Variants in PIP5K1C observed in about 807,000 individuals in gnomAD.
PIP5K1C encodes phosphatidylinositol 4-phosphate 5-kinase type-1 gamma.
PIP5K1C carries 45 observed loss-of-function variants against 80.1 expected under a neutral mutation model. The observed-to-expected ratio is 0.56, with a 90% CI of 0.44 to 0.72. The LOEUF is 0.72. Ranked by LOEUF, PIP5K1C falls within the 30% of genes least tolerant of loss-of-function variation. PIP5K1C has a pLI of 0.00. For synonymous variants in PIP5K1C, 498 were observed against 420.1 expected (o/e 1.19, Z -2.27); for missense variants, 753 against 954.6 (o/e 0.79, Z 2.78).
intron 4 of PIP5K1C, 146 bp from the exon 5 acceptor site, chr19:3,661,229 C>T: frequency 1.7e-6 from 1 of 604,450 alleles, no homozygotes; most frequent in Non-Finnish European, 3.0e-6. Flanking sequence ...ATCCCACAAG[C>T]AACAGGGGGC....
intron 1 of PIP5K1C, among the ~76,000 whole-genome samples, chr19:3,677,717 T>TGGGAGGGAGGGATGG (rs2035405106): frequency 9.7e-6 from 1 of 102,762 alleles, no homozygotes; most frequent in Admixed American, 9.6e-5. Context: ...GGAGGGATGG[T>TGGGAGGGAGGGATGG]GGGATGGAGG....
intron 5 of PIP5K1C, 25 bp from the exon 6 acceptor site, chr19:3,656,582 C>T (rs758732762): frequency 2.0e-5 from 33 of 1,612,228 alleles, no homozygotes; most frequent in African/African-American, 6.7e-5. Context: ...GGCGGGTCAG[C>T]GGGCCCCAAG....
rs2033441777 is a variant in PIP5K1C at position 3,630,519 on chromosome 19, G to C, written c.*2648C>G. 2 of 152,564 alleles carry C rather than the reference G, an allele frequency of 1.3e-5. No individual in the cohort carries two copies. The highest frequency in any genetic ancestry group is 4.8e-5 in the African/African-American group (2 of 41,422). 9.5% of individuals were successfully genotyped at this position (152,564 alleles called of 1,614,324 possible). On this transcript the variant is annotated 3_prime_UTR_variant, in exon 18 of 18. Coordinates refer to ENST00000335312, the MANE Select transcript of PIP5K1C (RefSeq NM_012398.3). ...GAGCGATTGAACCACCGGAGATGAG[G>C]AGGAGGTGGCAGGCGCCTCTCCTGG...
At chr19:3,633,547 G>A (rs1164473042) in intron 16 of PIP5K1C, 27 bp from the exon 17 acceptor site, 2 of 1,454,732 alleles carry the variant, frequency 1.4e-6, no homozygotes, top group East Asian at 2.4e-5. Context: ...CGTGCAGGAG[G>A]GCGCGGAAGA....
At chr19:3,687,628 C>G (rs2035804618) in intron 1 of PIP5K1C, among the ~76,000 whole-genome samples, 2 of 152,146 alleles carry the variant, frequency 1.3e-5, no homozygotes, top group Non-Finnish European at 2.9e-5. Flanking sequence ...CACAGGCCCT[C>G]AGAGGACACC....
chr19:3,671,791 C>T (rs2035213578), intron 1 of PIP5K1C, among the ~76,000 whole-genome samples: 1 of 152,218 alleles, frequency 6.6e-6, no homozygotes, highest in South Asian at 2.1e-4. Context: ...ATCCTCGCTC[C>T]CCATGAGGCC....
At chr19:3,644,065 C>T (rs1457057675) in intron 12 of PIP5K1C, 22 bp downstream of exon 12, 1 of 1,609,256 alleles carries the variant, frequency 6.2e-7, no homozygotes, top group African/African-American at 1.3e-5. Flanking sequence ...CCCACAAGCG[C>T]ACTCTGCCCT....
intron 1 of PIP5K1C, among the ~76,000 whole-genome samples, chr19:3,691,802 T>C (rs2035959069): frequency 6.6e-6 from 1 of 152,154 alleles, no homozygotes; most frequent in African/African-American, 2.4e-5. Flanking sequence ...CAACCTGGGA[T>C]CTGAGAGATC....
At position 3,633,591 on chromosome 19, in the gene PIP5K1C, G is replaced by A. The variant is rs1311572811; in HGVS notation, c.1921-71C>T. On this transcript the variant is annotated intron_variant, in intron 16 of 17. Coordinates refer to ENST00000335312, the MANE Select transcript of PIP5K1C (RefSeq NM_012398.3). Reference sequence around the variant, plus strand: ...CGAGGAGGTGCAAGAGAGGCAGAGGGAGGAAGGAAGAGACAGGAGAACATA... The same window carrying A: ...CGAGGAGGTGCAAGAGAGGCAGAGGAAGGAAGGAAGAGACAGGAGAACATA... 8 of 1,021,214 alleles carry A rather than the reference G, an allele frequency of 7.8e-6. 1 individual carries two copies. The East Asian group carries it at 1.1e-4, about 14-fold the overall frequency. 63.3% of individuals were successfully genotyped at this position (1,021,214 alleles called of 1,614,324 possible). A position where few individuals can be genotyped will look rare whatever the true frequency, so the allele number is the denominator to read the frequency against.
At chr19:3,678,088 T>TGGAGGAG (rs1487062140) in intron 1 of PIP5K1C, among the ~76,000 whole-genome samples, 7 of 48,124 alleles carry the variant, frequency 1.5e-4, no homozygotes, top group African/African-American at 6.1e-4. Context: ...GAATGGAGGA[T>TGGAGGAG]GGAGGAGGGA....
chr19:3,633,544 G>A (rs1180524797), intron 16 of PIP5K1C, 24 bp from the exon 17 acceptor site: 4 of 1,465,168 alleles, frequency 2.7e-6, no homozygotes, highest in African/African-American at 2.8e-5. Context: ...GCGCGTGCAG[G>A]AGGGCGCGGA....
chr19:3,643,491 C>A (rs1466179777), intron 12 of PIP5K1C, 110 bp from the exon 13 acceptor site: 3 of 1,345,330 alleles, frequency 2.2e-6, no homozygotes, highest in East Asian at 4.8e-5. Flanking sequence ...CAGTGCCCGC[C>A]CGCCTCCCAG....
intron 5 of PIP5K1C, among the ~76,000 whole-genome samples, chr19:3,657,304 G>A (rs1231617003): frequency 6.6e-6 from 1 of 152,226 alleles, no homozygotes; most frequent in African/African-American, 2.4e-5. Flanking sequence ...GACTCGACAG[G>A]TGCTCGATTT....
rs1211985896 is a variant in PIP5K1C at position 3,688,148 on chromosome 19, G to C, written c.94+12149C>G. Among the ~76,000 whole-genome samples, 1 of 152,188 alleles carries C rather than the reference G, an allele frequency of 6.6e-6. No individual in the cohort carries two copies. Among genetic ancestry groups the C allele is most frequent in the African/African-American group, 2.4e-5 (1 of 41,438 alleles). ...CCCCGAGCTGAGGCTCCCGCAGCCAGGGTCTGCGCGTGGTCCCCACCTCCT... is the reference window on the plus strand; with the variant it reads ...CCCCGAGCTGAGGCTCCCGCAGCCACGGTCTGCGCGTGGTCCCCACCTCCT... On this transcript the variant is annotated intron_variant, in intron 1 of 17. Transcript: ENST00000335312. The surrounding 1 kb of genome is among the most constrained non-coding windows in gnomAD (Gnocchi z 5.3).
At chr19:3,695,566 C>T (rs942597429) in intron 1 of PIP5K1C, among the ~76,000 whole-genome samples, 1 of 152,156 alleles carries the variant, frequency 6.6e-6, no homozygotes, top group Non-Finnish European at 1.5e-5. Flanking sequence ...GCCCCCGAGG[C>T]CTCTCCACTG....
At chr19:3,698,225 C>T (rs527997355) in intron 1 of PIP5K1C, among the ~76,000 whole-genome samples, 7 of 152,330 alleles carry the variant, frequency 4.6e-5, no homozygotes, top group African/African-American at 9.6e-5. Flanking sequence ...GGTGGCCAAC[C>T]GGCACGACAA....
rs934570092 is a variant in PIP5K1C at position 3,696,953 on chromosome 19, G to T, written c.94+3344C>A. 6.6e-6 allele frequency among the ~76,000 whole-genome samples: 1 copy of T among 152,214 alleles called. No individual in the cohort carries two copies. The highest frequency in any genetic ancestry group is 1.5e-5 in the Non-Finnish European group (1 of 68,032). The stretch of plus-strand genomic sequence containing the variant: ...AGGGGCGCCAGGCCTGGCTCAGGGG[G>T]CAAAGGAGGACTGAGCTGGACCGAG... On this transcript the variant is annotated intron_variant, in intron 1 of 17. Transcript: ENST00000335312. The surrounding 1 kb of genome is among the most constrained non-coding windows in gnomAD (Gnocchi z 4.1).
chr19:3,695,616 T>G (rs1211043395), intron 1 of PIP5K1C, among the ~76,000 whole-genome samples: 1 of 152,032 alleles, frequency 6.6e-6, no homozygotes, highest in Non-Finnish European at 1.5e-5. Context: ...CTGACCTGCA[T>G]CCCGGGAGGC....
In PIP5K1C at chr19:3,651,863, C is replaced by A; in HGVS notation, c.1090G>T (p.Gly364Cys). ...YSTAMESIQG[G>C]AARGEAIESD... The stretch of plus-strand genomic sequence containing the variant: ...TCGATGGCCTCCCCGCGCGCGGCGC[C>A]ACCCTGGATGGACTCCATGGCCGTG... Residue 364 changes from glycine (G) to cysteine (C), a missense_variant, in exon 8 of 18, where the codon GGC becomes TGC. Around this residue, in one of 6 missense-constraint regions of PIP5K1C, gnomAD observed 114 missense variants for 152.4 expected, o/e 0.75. Coordinates refer to ENST00000335312, the MANE Select transcript of PIP5K1C (RefSeq NM_012398.3). 6.2e-7 allele frequency: 1 copy of A among 1,612,622 alleles called. No homozygotes were observed. Among genetic ancestry groups the A allele is most frequent in the Non-Finnish European group, 8.5e-7 (1 of 1,179,918 alleles).
Sources: allele counts gnomAD v4.1 joint callset (sites outside exome capture counted in the v4.1 genomes callset), GRCh38; gene constraint gnomAD v4.1.1; regional missense constraint gnomAD v4.1.1; non-coding constraint Gnocchi (gnomAD v3.1); transcripts MANE v1.5; gene names NCBI Gene and HGNC (gene_info 2026-07-23, HGNC 2026-07-21).